SGCD: variants seen among roughly 807,000 people sequenced by gnomAD.
The protein encoded by SGCD is delta-sarcoglycan.
Under a neutral mutation model 36.6 loss-of-function variants are expected in SGCD, and 18 were observed. That is an observed-to-expected ratio of 0.49 (90% CI 0.34 to 0.73). SGCD has a LOEUF of 0.73. Among genes scored for constraint, SGCD ranks in the 30% least tolerant of loss-of-function variants. The pLI is 0.01. For synonymous variants in SGCD, 133 were observed against 130.6 expected (o/e 1.02, Z -0.12); for missense variants, 387 against 346.7 (o/e 1.12, Z -0.92).
At chr5:156,532,388 A>G (rs914166706) in intron 4 of SGCD, among the ~76,000 whole-genome samples, 29 of 152,210 alleles carry the variant, frequency 1.9e-4, no homozygotes, top group Admixed American at 2.0e-4. Flanking sequence ...TTGAATCCAA[A>G]TACCATGTGA....
intron 1 of SGCD, among the ~76,000 whole-genome samples, chr5:156,008,147 A>C (rs1272143615): frequency 6.6e-6 from 1 of 152,174 alleles, no homozygotes; most frequent in African/African-American, 2.4e-5. Flanking sequence ...AAACAATGGA[A>C]ATTTATTGTC....
chr5:156,723,539 T>C (rs1405218699), intron 7 of SGCD, among the ~76,000 whole-genome samples: 1 of 152,168 alleles, frequency 6.6e-6, no homozygotes, highest in Non-Finnish European at 1.5e-5. Flanking sequence ...TATGCAAAAT[T>C]GCAGCAGTTA....
At chr5:156,150,531 G>A (rs1413148684) in intron 3 of SGCD, among the ~76,000 whole-genome samples, 1 of 151,704 alleles carries the variant, frequency 6.6e-6, no homozygotes, top group Non-Finnish European at 1.5e-5. Context: ...TGATGGTGTA[G>A]CTTTTGTACC....
At chr5:156,231,603 A>T (rs1490774043) in intron 3 of SGCD, among the ~76,000 whole-genome samples, 5 of 152,218 alleles carry the variant, frequency 3.3e-5, no homozygotes, top group African/African-American at 1.2e-4. Context: ...GGAAAAGTGT[A>T]TTCGATAAGA....
At chr5:156,680,730 G>C (rs1412745809) in intron 7 of SGCD, among the ~76,000 whole-genome samples, 1 of 152,246 alleles carries the variant, frequency 6.6e-6, no homozygotes, top group Non-Finnish European at 1.5e-5. Context: ...TGTGTGTGCT[G>C]TGTCTCAAGG....
chr5:156,453,875 CTT>C, intron 3 of SGCD, among the ~76,000 whole-genome samples: 1 of 152,270 alleles, frequency 6.6e-6, no homozygotes, highest in African/African-American at 2.4e-5. Context: ...AAGAGTATAA[CTT>C]TATTTGTACA....
the SGCD span, among the ~76,000 whole-genome samples, chr5:155,840,588 T>TTGTG: frequency 0.026 from 3,833 of 147,010 alleles, 57 homozygotes; most frequent in South Asian, 0.059. Flanking sequence ...TGCACCCGGC[T>TTGTG]TGTGTGTGTG....
chr5:156,033,408 G>A (rs61191718), intron 1 of SGCD, among the ~76,000 whole-genome samples: 30,436 of 151,780 alleles, frequency 0.2, 4,327 homozygotes, highest in African/African-American at 0.39. Context: ...TCCTTTTGGC[G>A]TCCCCAGTGT....
chr5:156,756,213 T>C (rs1757329282), intron 7 of SGCD, among the ~76,000 whole-genome samples: 1 of 152,202 alleles, frequency 6.6e-6, no homozygotes, highest in South Asian at 2.1e-4. Context: ...ACTTTCTTTG[T>C]AACAGAGAGG....
intron 3 of SGCD, among the ~76,000 whole-genome samples, chr5:156,219,825 G>T (rs1250805215): frequency 6.6e-6 from 1 of 152,130 alleles, no homozygotes; most frequent in African/African-American, 2.4e-5. Flanking sequence ...AGCATTCAAA[G>T]TTTTAGCCCC....
intron 3 of SGCD, among the ~76,000 whole-genome samples, chr5:156,472,171 G>T (rs549493190): frequency 6.6e-6 from 1 of 152,148 alleles, no homozygotes; most frequent in African/African-American, 2.4e-5. Flanking sequence ...GTAAAAAAGC[G>T]TAACTACGTT....
intron 1 of SGCD, among the ~76,000 whole-genome samples, chr5:156,041,520 C>T (rs187600891): frequency 3.4e-4 from 51 of 152,214 alleles, no homozygotes; most frequent in Admixed American, 3.0e-3. Context: ...AAGTAGAGAT[C>T]GAGTTTTTTA....
intron 3 of SGCD, among the ~76,000 whole-genome samples, chr5:156,485,866 C>T (rs1339211413): frequency 1.3e-5 from 2 of 151,974 alleles, no homozygotes; most frequent in Non-Finnish European, 2.9e-5. Flanking sequence ...AGTTCAGAGC[C>T]AGGAAAAACT....
At position 156,765,580 on chromosome 5, in the gene SGCD, G is replaced by A. The variant is rs1757572886; in HGVS notation, c.*6190G>A. 6.6e-6 allele frequency: 1 copy of A among 152,134 alleles called. No homozygotes were observed. Among genetic ancestry groups the A allele is most frequent in the Non-Finnish European group, 1.5e-5 (1 of 68,020 alleles). 9.4% of individuals were successfully genotyped at this position (152,134 alleles called of 1,614,324 possible). A position where few individuals can be genotyped will look rare whatever the true frequency, so the allele number is the denominator to read the frequency against. On this transcript the variant is annotated 3_prime_UTR_variant, in exon 9 of 9. Coordinates refer to ENST00000337851, the MANE Select transcript of SGCD (RefSeq NM_000337.6). ...AAGAATATTTATTAATATTCACTGA[G>A]CTATTGCTAGCCACTGTGCTAAACA...
chr5:156,278,499 A>C (rs563049988), intron 3 of SGCD, among the ~76,000 whole-genome samples: 4 of 152,184 alleles, frequency 2.6e-5, no homozygotes, highest in Non-Finnish European at 4.4e-5. Flanking sequence ...GTTCAACTCA[A>C]GATAATTGTT....
intron 3 of SGCD, among the ~76,000 whole-genome samples, chr5:156,479,976 G>T (rs1355497362): frequency 6.6e-6 from 1 of 152,196 alleles, no homozygotes; most frequent in African/African-American, 2.4e-5. Flanking sequence ...GCCCTGGGAG[G>T]AGCCCCTGTG....
chr5:156,169,361 C>T (rs1006441490), intron 3 of SGCD, among the ~76,000 whole-genome samples: 1 of 152,208 alleles, frequency 6.6e-6, no homozygotes, highest in African/African-American at 2.4e-5. Context: ...ATTTTGTAAA[C>T]ATTTTTTCTC....
chr5:156,291,508 G>A (rs1242679922), intron 3 of SGCD, among the ~76,000 whole-genome samples: 3 of 152,158 alleles, frequency 2.0e-5, no homozygotes, highest in Middle Eastern at 6.8e-3. Flanking sequence ...TTTATCAACC[G>A]TTAGTCTAGA....
At chr5:156,759,014 T>C (rs1225830094) in intron 8 of SGCD, among the ~76,000 whole-genome samples, 1 of 152,234 alleles carries the variant, frequency 6.6e-6, no homozygotes, top group African/African-American at 2.4e-5. Flanking sequence ...AATGCAGCAT[T>C]ATCTTGCTAG....
Sources: gnomAD v4.1 joint callset for allele counts (sites outside exome capture counted in the v4.1 genomes callset) on GRCh38, gnomAD v4.1.1 for gene constraint, MANE v1.5 for transcripts, NCBI Gene and HGNC (gene_info 2026-07-23, HGNC 2026-07-21) for gene names.